The following TAOK1 variants were observed in gnomAD, a reference collection of about 807,000 sequenced individuals.
The protein encoded by TAOK1 is serine/threonine-protein kinase TAO1.
In TAOK1, 21 loss-of-function variants were observed where a neutral mutation model predicts 138.3. The observed-to-expected ratio is 0.15, with a 90% confidence interval of 0.11 to 0.22. TAOK1 has a LOEUF of 0.22. Among genes scored for constraint, TAOK1 ranks in the 10% least tolerant of loss-of-function variants. The pLI is 1.00. For missense variants in TAOK1, 651 were observed against 1,227.7 expected (o/e 0.53, Z 7.02); for synonymous variants, 361 against 398.4 (o/e 0.91, Z 1.12).
intron 11 of TAOK1, 135 bp from the exon 12 acceptor site, chr17:29,498,182 TA>T: frequency 1.3e-6 from 1 of 797,680 alleles, no homozygotes; most frequent in Non-Finnish European, 1.9e-6. Context: ...TCTTGGAAAA[TA>T]AAAGCAATTT....
intron 1 of TAOK1, among the ~76,000 whole-genome samples, chr17:29,449,116 C>G (rs2030168391): frequency 6.6e-6 from 1 of 152,074 alleles, no homozygotes; most frequent in Admixed American, 6.6e-5. Flanking sequence ...AATAAGGGCA[C>G]TAAAACTTAA....
chr17:29,393,019 T>A (rs950486339), intron 1 of TAOK1, among the ~76,000 whole-genome samples: 4 of 152,232 alleles, frequency 2.6e-5, no homozygotes, highest in African/African-American at 9.6e-5. Flanking sequence ...GATGGAATTC[T>A]CTTTTCTTTA....
At chr17:29,514,724 G>A (rs1466967466) in intron 15 of TAOK1, 1 of 151,902 alleles carries the variant, frequency 6.6e-6, no homozygotes, top group South Asian at 2.1e-4. Flanking sequence ...AGAGTGGTGG[G>A]TGGCACATGC....
chr17:29,411,577 G>A (rs115162434), intron 1 of TAOK1, among the ~76,000 whole-genome samples: 2 of 150,942 alleles, frequency 1.3e-5, no homozygotes, highest in East Asian at 3.9e-4. Context: ...TTTTGTGGTA[G>A]CGATGGTGTT....
rs572624021 is a variant in TAOK1, at chr17:29,412,097, C to T, written c.-95+21073C>T. 5.3e-5 allele frequency among the ~76,000 whole-genome samples: 8 copies of T among 151,896 alleles called. No homozygotes were observed. In the South Asian group the frequency reaches 1.5e-3, roughly 28 times the overall value. On this transcript the variant is annotated intron_variant, in intron 1 of 19. Coordinates refer to ENST00000261716, the MANE Select transcript of TAOK1 (RefSeq NM_020791.4). ...TCACTCTGTCACCCAGGCTGGAGTG[C>T]TGTTGTGCAATCTCAGCTCACTGCA...
At chr17:29,490,050 T>C (rs1409870495) in intron 9 of TAOK1, among the ~76,000 whole-genome samples, 1 of 152,076 alleles carries the variant, frequency 6.6e-6, no homozygotes, top group Non-Finnish European at 1.5e-5. Flanking sequence ...TACCTAATCC[T>C]AATTAAATAA....
intron 17 of TAOK1, among the ~76,000 whole-genome samples, chr17:29,524,286 G>T (rs916949503): frequency 6.6e-6 from 1 of 152,102 alleles, no homozygotes; most frequent in Non-Finnish European, 1.5e-5. Context: ...TTAAACCAAC[G>T]TGTCAGCAAA....
In TAOK1 at chr17:29,538,695, A is replaced by G. The variant is rs972718211; in HGVS notation, c.2545-3866A>G. On this transcript the variant is annotated intron_variant, in intron 19 of 19. Transcript: ENST00000261716. ...TGTTTGAAGATTGTTGTAAGTCTCCAAGTGAACCAAAAATTGTTCATTTAG... is the reference window on the plus strand; with the variant it reads ...TGTTTGAAGATTGTTGTAAGTCTCCGAGTGAACCAAAAATTGTTCATTTAG... Among the ~76,000 whole-genome samples, 9 of 152,364 alleles carry G rather than the reference A, an allele frequency of 5.9e-5. No individual in the cohort carries two copies. The East Asian group carries it at 1.5e-3, about 26-fold the overall frequency.
In TAOK1 at chr17:29,478,969, A is replaced by G. The variant is rs370950357; in HGVS notation, c.449+622A>G. ...GTAAAACCTCGTCTCCACTGAAAAT[A>G]TGAAAATTAGCTGGGCTTTGTTGTA... is the stretch of plus-strand genomic sequence containing the variant. On this transcript the variant is annotated intron_variant, in intron 6 of 19. Coordinates refer to ENST00000261716, the MANE Select transcript of TAOK1 (RefSeq NM_020791.4). Among the ~76,000 whole-genome samples, 14 of 152,226 alleles carry G rather than the reference A, an allele frequency of 9.2e-5. No homozygotes were observed. The East Asian group carries it at 2.7e-3, about 29-fold the overall frequency.
intron 19 of TAOK1, among the ~76,000 whole-genome samples, chr17:29,534,984 A>T (rs920629545): frequency 1.3e-5 from 2 of 151,344 alleles, no homozygotes; most frequent in African/African-American, 4.9e-5. Flanking sequence ...AGGGCGATGG[A>T]CAGAAGATTT....
At chr17:29,400,571 T>C (rs1208602938) in intron 1 of TAOK1, among the ~76,000 whole-genome samples, 1 of 152,136 alleles carries the variant, frequency 6.6e-6, no homozygotes, top group Non-Finnish European at 1.5e-5. Flanking sequence ...TTTGTAGGTA[T>C]GTCCTTACCT....
chr17:29,402,586 TGA>T (rs1402745590), intron 1 of TAOK1, among the ~76,000 whole-genome samples: 1 of 152,196 alleles, frequency 6.6e-6, no homozygotes, highest in Non-Finnish European at 1.5e-5. Context: ...ATTACAGGTG[TGA>T]GCCACCATGC....
Position 29,534,107 on chromosome 17 carries a change from C to G in TAOK1, c.2362-11C>G, listed in dbSNP as rs1234252242. ...ATATCTTTTTTTTTTCTCTCTCTCTCTCTGTCTCAGCTGCGTTTGGATGAA... is the reference window on the plus strand; with the variant it reads ...ATATCTTTTTTTTTTCTCTCTCTCTGTCTGTCTCAGCTGCGTTTGGATGAA... On this transcript the variant is annotated splice_polypyrimidine_tract_variant and intron_variant, in intron 18 of 19. Coordinates refer to ENST00000261716, the MANE Select transcript of TAOK1 (RefSeq NM_020791.4). 2 of 1,581,504 alleles carry G rather than the reference C, an allele frequency of 1.3e-6. No individual in the cohort carries two copies. The highest frequency in any genetic ancestry group is 1.7e-6 in the Non-Finnish European group (2 of 1,166,522).
chr17:29,435,719 G>C (rs1906007463), intron 1 of TAOK1, among the ~76,000 whole-genome samples: 1 of 152,230 alleles, frequency 6.6e-6, no homozygotes, highest in African/African-American at 2.4e-5. Context: ...CCTTAAAGGG[G>C]AGCATACCCT....
At chr17:29,403,983 G>A (rs1469224339) in intron 1 of TAOK1, 2 of 152,134 alleles carry the variant, frequency 1.3e-5, no homozygotes, top group African/African-American at 4.8e-5. Context: ...CTTCAGCTTA[G>A]GTAGTGAAAA....
At chr17:29,408,711 C>G (rs1376059311) in intron 1 of TAOK1, among the ~76,000 whole-genome samples, 1 of 149,234 alleles carries the variant, frequency 6.7e-6, no homozygotes, top group East Asian at 2.0e-4. Flanking sequence ...TGATTTCTTT[C>G]TTTTTTTTTT....
chr17:29,505,776 A>G (rs185509314), intron 13 of TAOK1, among the ~76,000 whole-genome samples: 1 of 152,136 alleles, frequency 6.6e-6, no homozygotes, highest in African/African-American at 2.4e-5. Context: ...TCTACTAAAA[A>G]TACAAAAAAT....
At chr17:29,526,168 G>C (rs2032006125) in intron 17 of TAOK1, among the ~76,000 whole-genome samples, 1 of 151,894 alleles carries the variant, frequency 6.6e-6, no homozygotes, top group South Asian at 2.1e-4. Context: ...CTAGCTACTT[G>C]GGAGGCTGAG....
intron 1 of TAOK1, among the ~76,000 whole-genome samples, chr17:29,411,088 G>GT (rs71138814): frequency 0.18 from 17,267 of 94,096 alleles, 3,192 homozygotes; most frequent in South Asian, 0.21. Flanking sequence ...TCTTTTTACT[G>GT]TTTTTTTTTT....
Sources: gnomAD v4.1 joint callset for allele counts (sites outside exome capture counted in the v4.1 genomes callset) on GRCh38, gnomAD v4.1.1 for gene constraint, MANE v1.5 for transcripts, NCBI Gene and HGNC (gene_info 2026-07-23, HGNC 2026-07-21) for gene names.